The following ATP10B variants were observed in gnomAD, a reference collection of about 807,000 sequenced individuals.
The protein encoded by ATP10B is ATPase phospholipid transporting 10B (putative).
Under a neutral mutation model 141.2 loss-of-function variants are expected in ATP10B, and 122 were observed. The ratio of observed to expected loss-of-function variants is 0.86; its 90% CI spans 0.75 to 1.00. The LOEUF is 1.00. Ranked by LOEUF, ATP10B falls within the 50% of genes least tolerant of loss-of-function variation. The pLI is 0.00. For synonymous variants in ATP10B, 685 were observed against 692.0 expected, an observed-to-expected ratio of 0.99 and a Z score of 0.16; for missense variants, 1,876 against 1,825.3, an observed-to-expected ratio of 1.03 and a Z score of -0.51.
At chr5:160,614,582 G>A (rs1757897897) in intron 17 of ATP10B, 2 of 152,174 alleles carry the variant, frequency 1.3e-5, no homozygotes, top group East Asian at 1.9e-4. Context: ...AGCTTTAAAG[G>A]GGACCTTATG....
At chr5:160,785,949 G>A (rs539773905) in intron 1 of ATP10B, 146 bp from the exon 2 acceptor site, 26 of 181,108 alleles carry the variant, frequency 1.4e-4, no homozygotes, top group African/African-American at 6.2e-4. Context: ...AGATTCCCAG[G>A]AAGTTGTTTC....
At chr5:160,802,497 C>T (rs941453368) in intron 1 of ATP10B, among the ~76,000 whole-genome samples, 2 of 152,282 alleles carry the variant, frequency 1.3e-5, no homozygotes, top group African/African-American at 2.4e-5. Flanking sequence ...ACAATGCCTG[C>T]GATATTGTTA....
intron 2 of ATP10B, among the ~76,000 whole-genome samples, chr5:160,772,694 G>C (rs1769992710): frequency 6.6e-6 from 1 of 152,184 alleles, no homozygotes; most frequent in Non-Finnish European, 1.5e-5. Context: ...GTGGAGCTCA[G>C]GCAGTAATGC....
chr5:160,828,878 T>C (rs1192651297), intron 1 of ATP10B, among the ~76,000 whole-genome samples: 18 of 149,390 alleles, frequency 1.2e-4, no homozygotes, highest in African/African-American at 3.7e-4. Context: ...TATGCAGCCA[T>C]AAAAAATGAT....
At chr5:160,811,759 C>G (rs987538047) in intron 1 of ATP10B, among the ~76,000 whole-genome samples, 3 of 152,156 alleles carry the variant, frequency 2.0e-5, no homozygotes, top group African/African-American at 7.2e-5. Flanking sequence ...CACCAAGGGC[C>G]TGGGGGAACT....
At chr5:160,641,436 T>A (rs769238913) in intron 9 of ATP10B, among the ~76,000 whole-genome samples, 1 of 152,228 alleles carries the variant, frequency 6.6e-6, no homozygotes, top group African/African-American at 2.4e-5. Flanking sequence ...CAATTTTGGT[T>A]AAAGAAAGGA....
intron 1 of ATP10B, among the ~76,000 whole-genome samples, chr5:160,786,132 T>G (rs998939439): frequency 6.6e-6 from 1 of 152,204 alleles, no homozygotes; most frequent in African/African-American, 2.4e-5. Context: ...TTGACTGGTT[T>G]CAGAATGGAT....
At chr5:160,780,458 A>G (rs1011406159) in intron 2 of ATP10B, among the ~76,000 whole-genome samples, 1 of 152,196 alleles carries the variant, frequency 6.6e-6, no homozygotes, top group Non-Finnish European at 1.5e-5. Context: ...ACAAAACTCT[A>G]AGGTAGTATG....
the ATP10B span, among the ~76,000 whole-genome samples, chr5:160,928,186 A>G: frequency 6.6e-6 from 1 of 151,890 alleles, no homozygotes; most frequent in South Asian, 2.1e-4. Flanking sequence ...CCCTTTTTTT[A>G]TTGACTGCTC....
chr5:160,667,716 C>T (rs1762408115), intron 7 of ATP10B, among the ~76,000 whole-genome samples: 2 of 152,112 alleles, frequency 1.3e-5, no homozygotes, highest in African/African-American at 2.4e-5. Context: ...ACCCTTTTAC[C>T]TGACTCTTCA....
At chr5:160,899,027 G>A in the ATP10B span, among the ~76,000 whole-genome samples, 1 of 152,016 alleles carries the variant, frequency 6.6e-6, no homozygotes, top group East Asian at 1.9e-4. Context: ...ATAGCATTAG[G>A]GGAAATACCT....
intron 24 of ATP10B, among the ~76,000 whole-genome samples, chr5:160,580,477 TG>T (rs1249003328): frequency 3.9e-5 from 6 of 152,052 alleles, no homozygotes; most frequent in African/African-American, 1.4e-4. Context: ...TGTTTATGTA[TG>T]TTGAACCAGC....
intron 15 of ATP10B, among the ~76,000 whole-genome samples, chr5:160,618,557 C>T (rs186519450): frequency 2.0e-4 from 31 of 152,288 alleles, no homozygotes; most frequent in Admixed American, 1.2e-3. Context: ...GCAAGAAATA[C>T]GTTTAGAGAA....
At chr5:160,759,462 T>C (rs1768870683) in intron 2 of ATP10B, among the ~76,000 whole-genome samples, 2 of 152,256 alleles carry the variant, frequency 1.3e-5, no homozygotes, top group Admixed American at 1.3e-4. Context: ...GTGTCTATAA[T>C]TATCATACAC....
At chr5:160,903,267 G>A in the ATP10B span, among the ~76,000 whole-genome samples, 1 of 152,084 alleles carries the variant, frequency 6.6e-6, no homozygotes, top group African/African-American at 2.4e-5. Flanking sequence ...TTGCCAAGAT[G>A]GGCTTTAAAG....
At chr5:160,689,303 T>C (rs1160121142) in intron 3 of ATP10B, among the ~76,000 whole-genome samples, 1 of 152,196 alleles carries the variant, frequency 6.6e-6, no homozygotes, top group Non-Finnish European at 1.5e-5. Flanking sequence ...AGCATTCCCT[T>C]TGGAAACCAG....
chr5:160,753,090 G>A (rs1768273780), intron 2 of ATP10B, among the ~76,000 whole-genome samples: 1 of 152,150 alleles, frequency 6.6e-6, no homozygotes, highest in Admixed American at 6.5e-5. Context: ...TTAGATTTAG[G>A]AGTGTGCCAG....
chr5:160,673,469 T>A (rs1284102255), intron 6 of ATP10B, among the ~76,000 whole-genome samples: 4 of 152,198 alleles, frequency 2.6e-5, no homozygotes, highest in South Asian at 4.1e-4. Context: ...ATAATTGAAT[T>A]ATTATTGACT....
At chr5:160,770,031 C>A (rs188398959) in intron 2 of ATP10B, among the ~76,000 whole-genome samples, 1 of 152,172 alleles carries the variant, frequency 6.6e-6, no homozygotes, top group Non-Finnish European at 1.5e-5. Flanking sequence ...TTAAAGCCCA[C>A]GAGAGCCAGT....
Sources: allele counts gnomAD v4.1 joint callset (sites outside exome capture counted in the v4.1 genomes callset), GRCh38; gene constraint gnomAD v4.1.1; transcripts MANE v1.5; gene names NCBI Gene and HGNC (gene_info 2026-07-23, HGNC 2026-07-21).